FAM114A2: variants seen among roughly 807,000 people sequenced by gnomAD.
The protein encoded by FAM114A2 is protein FAM114A2.
In FAM114A2, 53 loss-of-function variants were observed where a neutral mutation model predicts 58.4. The ratio of observed to expected loss-of-function variants is 0.91; its 90% CI spans 0.73 to 1.14. The LOEUF is 1.14. FAM114A2 is among the 50% of genes most tolerant of loss of function. The pLI, the probability that FAM114A2 is intolerant of heterozygous loss-of-function variation, is 0.00. For synonymous variants in FAM114A2, 228 were observed against 211.4 expected (o/e 1.08, Z -0.68); for missense variants, 601 against 581.1 (o/e 1.03, Z -0.35).
At chr5:154,029,392 T>A in intron 5 of FAM114A2, 97 bp downstream of exon 5, 1 of 721,284 alleles carries the variant, frequency 1.4e-6, no homozygotes, top group East Asian at 2.8e-5. Context: ...TTAAAAGTAA[T>A]CAGTCCACAT....
Position 154,028,296 on chromosome 5 carries a change from T to A in FAM114A2, c.496-13A>T. 6.4e-7 allele frequency: 1 copy of A among 1,552,532 alleles called. No individual in the cohort carries two copies. Among genetic ancestry groups the A allele is most frequent in the Non-Finnish European group, 8.8e-7 (1 of 1,133,876 alleles). On this transcript the variant is annotated splice_polypyrimidine_tract_variant and intron_variant, in intron 5 of 13. Coordinates refer to ENST00000351797, the MANE Select transcript of FAM114A2 (RefSeq NM_018691.4). ...TAACACTCTTTCCCTAGAAAATACA[T>A]GCAACCTCATTACAACAATATTAAG...
intron 8 of FAM114A2, among the ~76,000 whole-genome samples, chr5:154,016,364 G>C (rs1208147948): frequency 1.3e-5 from 2 of 152,132 alleles, no homozygotes; most frequent in African/African-American, 4.8e-5. Flanking sequence ...CTGTGATACA[G>C]AAGCACCAGG....
At chr5:154,035,595 A>G (rs2113520839) in intron 1 of FAM114A2, among the ~76,000 whole-genome samples, 1 of 152,322 alleles carries the variant, frequency 6.6e-6, no homozygotes, top group East Asian at 1.9e-4. Flanking sequence ...CCATCGAAGG[A>G]TATCTGTATT....
rs1355266820 is a variant in FAM114A2, at chr5:153,992,194, G to A, written c.*782C>T. 2 of 152,148 alleles carry A rather than the reference G, an allele frequency of 1.3e-5. No homozygotes were observed. Among genetic ancestry groups the A allele is most frequent in the Non-Finnish European group, 2.9e-5 (2 of 68,018 alleles). 9.4% of individuals were successfully genotyped at this position (152,148 alleles called of 1,614,324 possible). On this transcript the variant is annotated 3_prime_UTR_variant, in exon 14 of 14. Transcript: ENST00000351797. The stretch of plus-strand genomic sequence containing the variant: ...TTTATCCTGCATATATGGTAGACAC[G>A]AAACACATCCTGAAGAGACTCAGAA...
intron 9 of FAM114A2, among the ~76,000 whole-genome samples, chr5:154,007,086 C>T (rs934758621): frequency 1.1e-4 from 16 of 152,126 alleles, no homozygotes; most frequent in African/African-American, 2.9e-4. Flanking sequence ...TGAGCCACCG[C>T]GCCTGGCCAG....
At chr5:154,026,629 G>T in intron 7 of FAM114A2, 107 bp from the exon 8 acceptor site, 2 of 681,732 alleles carry the variant, frequency 2.9e-6, no homozygotes, top group Non-Finnish European at 4.3e-6. Context: ...AAAATTATGA[G>T]CTCATCAGCC....
chr5:154,026,626 T>A (rs989589948), intron 7 of FAM114A2, 104 bp from the exon 8 acceptor site: 3 of 722,498 alleles, frequency 4.2e-6, no homozygotes, highest in South Asian at 3.6e-5. Context: ...GTCAAAATTA[T>A]GAGCTCATCA....
At chr5:154,031,066 CT>C (rs1772159181) in intron 4 of FAM114A2, among the ~76,000 whole-genome samples, 1 of 151,978 alleles carries the variant, frequency 6.6e-6, no homozygotes, top group Non-Finnish European at 1.5e-5. Flanking sequence ...AATCCCAGCA[CT>C]TTGGGAGGCC....
chr5:154,034,983 C>CT lies in FAM114A2; in HGVS notation c.-14-17_-14-16insA. The CT allele has an allele frequency of 1.3e-6, 2 of 1,488,048 alleles. No homozygotes were observed. Among genetic ancestry groups the CT allele is most frequent in the East Asian group, 2.5e-5 (1 of 40,582 alleles). The allele number at this position is 1,488,048 out of a possible 1,614,324, so 92.2% of individuals were successfully genotyped here. ...AGAACATCAGCTGGTAAAATGAAAG[C>CT]CCAAAAAAAATTTATATAGGCTTCT... On this transcript the variant is annotated splice_polypyrimidine_tract_variant and intron_variant, in intron 1 of 13. Coordinates refer to ENST00000351797, the MANE Select transcript of FAM114A2 (RefSeq NM_018691.4).
At chr5:154,007,392 A>G (rs545056645) in intron 9 of FAM114A2, among the ~76,000 whole-genome samples, 3 of 152,282 alleles carry the variant, frequency 2.0e-5, no homozygotes, top group Admixed American at 2.0e-4. Context: ...ACATGTGAGT[A>G]TTAGAACAAG....
At chr5:154,023,451 C>T (rs912198472) in intron 8 of FAM114A2, among the ~76,000 whole-genome samples, 5 of 152,062 alleles carry the variant, frequency 3.3e-5, no homozygotes, top group African/African-American at 1.2e-4. Flanking sequence ...GCCATAAAAA[C>T]GAATGAATTA....
chr5:153,999,632 C>CAA (rs982121320), intron 11 of FAM114A2, among the ~76,000 whole-genome samples: 3 of 71,636 alleles, frequency 4.2e-5, no homozygotes, highest in Non-Finnish European at 5.6e-5. Flanking sequence ...GACTCCATCT[C>CAA]AAAAAAAAAA....
At chr5:154,034,620 G>T in intron 2 of FAM114A2, 124 bp downstream of exon 2, 1 of 758,582 alleles carries the variant, frequency 1.3e-6, no homozygotes, top group Non-Finnish European at 2.2e-6. Flanking sequence ...GTATTTTAGG[G>T]TTGTAAAGAG....
intron 9 of FAM114A2, among the ~76,000 whole-genome samples, chr5:154,004,607 G>C (rs1770228894): frequency 6.6e-6 from 1 of 152,062 alleles, no homozygotes. Flanking sequence ...CAAAGTTTTA[G>C]AGGTGCCACC....
intron 9 of FAM114A2, among the ~76,000 whole-genome samples, chr5:154,006,017 A>C (rs191447966): frequency 6.6e-6 from 1 of 152,330 alleles, no homozygotes; most frequent in African/African-American, 2.4e-5. Flanking sequence ...CCTCCCACAA[A>C]AACATTCAGG....
intron 4 of FAM114A2, 110 bp from the exon 5 acceptor site, chr5:154,029,690 G>T: frequency 1.8e-6 from 1 of 570,688 alleles, no homozygotes. Context: ...CTACATACTA[G>T]GCCTTAGCCC....
intron 4 of FAM114A2, among the ~76,000 whole-genome samples, chr5:154,033,333 T>C (rs1258845004): frequency 1.3e-5 from 2 of 152,240 alleles, no homozygotes; most frequent in African/African-American, 4.8e-5. Flanking sequence ...TAGGTTTCTG[T>C]CTGATCAAGG....
At position 153,994,937 on chromosome 5, in the gene FAM114A2, G is replaced by A; in HGVS notation, c.1365C>T (p.Ile455=). 6.2e-7 allele frequency: 1 copy of A among 1,606,800 alleles called. No individual in the cohort carries two copies. Among genetic ancestry groups the A allele is most frequent in the East Asian group, 2.2e-5 (1 of 44,738 alleles). ...TACTAACCTCTAGAAATACTGCAGTGATTAATGGGTTAAGGACATCTGCCA... is the reference window on the plus strand; with the variant it reads ...TACTAACCTCTAGAAATACTGCAGTAATTAATGGGTTAAGGACATCTGCCA... ...KEMADVLNPL[I]TAVFLEASNS... is the part of the protein sequence containing the mutation. The change falls in exon 13 of 14, where the codon ATC becomes ATT. Residue 455 remains isoleucine (I), a synonymous_variant. Transcript: ENST00000351797.
At chr5:154,006,444 A>G (rs79870810) in intron 9 of FAM114A2, among the ~76,000 whole-genome samples, 1,650 of 152,312 alleles carry the variant, frequency 0.011, 37 homozygotes, top group African/African-American at 0.037. Context: ...GGAATTGGCC[A>G]TACAAATAGT....
Sources: allele counts gnomAD v4.1 joint callset (sites outside exome capture counted in the v4.1 genomes callset), GRCh38; gene constraint gnomAD v4.1.1; transcripts MANE v1.5; gene names NCBI Gene and HGNC (gene_info 2026-07-23, HGNC 2026-07-21).